The following NKAIN3 variants were observed in gnomAD, a reference collection of about 807,000 sequenced individuals.
NKAIN3 encodes the protein sodium/potassium transporting ATPase interacting 3.
In NKAIN3, 25 loss-of-function variants were observed where a neutral mutation model predicts 30.2. The observed-to-expected ratio is 0.83, with a 90% CI of 0.60 to 1.16. NKAIN3 has a LOEUF of 1.16. Among genes scored for constraint, NKAIN3 ranks in the 50% most tolerant of loss-of-function variants. The pLI is 0.00. For synonymous variants in NKAIN3, 91 were observed against 89.6 expected, an observed-to-expected ratio of 1.02 and a Z score of -0.09; for missense variants, 225 against 254.1, an observed-to-expected ratio of 0.89 and a Z score of 0.78.
At chr8:62,744,886 A>G (rs965741953) in intron 3 of NKAIN3, among the ~76,000 whole-genome samples, 3 of 152,228 alleles carry the variant, frequency 2.0e-5, no homozygotes, top group Admixed American at 2.0e-4. Flanking sequence ...AAAACCAACA[A>G]TCAAAAGGAA....
In NKAIN3 at chr8:62,580,513, A is replaced by G. The variant is rs376995623; in HGVS notation, c.192+837A>G. On this transcript the variant is annotated intron_variant, in intron 2 of 6. Coordinates refer to ENST00000623646, the MANE Select transcript of NKAIN3 (RefSeq NM_001304533.3). ...TAGAATTACTAGATATTTTCTTGGG[A>G]TACACTGATATTGCCTCACTAGAAG... is the stretch of plus-strand genomic sequence containing the variant. Among the ~76,000 whole-genome samples the G allele has an allele frequency of 3.9e-5, 6 of 152,320 alleles. No homozygotes were observed. In the East Asian group the frequency reaches 9.7e-4, roughly 25 times the overall value.
At chr8:62,320,765 AT>A (rs1193819985) in intron 1 of NKAIN3, among the ~76,000 whole-genome samples, 3 of 151,882 alleles carry the variant, frequency 2.0e-5, no homozygotes, top group Non-Finnish European at 1.5e-5. Flanking sequence ...TGCCCTTAAC[AT>A]TTTTTCCTTC....
intron 1 of NKAIN3, among the ~76,000 whole-genome samples, chr8:62,517,634 A>C (rs1312364043): frequency 6.6e-6 from 1 of 152,108 alleles, no homozygotes; most frequent in Non-Finnish European, 1.5e-5. Flanking sequence ...GGGATGTGGG[A>C]GGGCACCAGT....
At chr8:62,455,299 A>C (rs1419259413) in intron 1 of NKAIN3, among the ~76,000 whole-genome samples, 1 of 152,222 alleles carries the variant, frequency 6.6e-6, no homozygotes, top group Non-Finnish European at 1.5e-5. Flanking sequence ...TGGATAAAGA[A>C]AGTGCGGTTC....
intron 1 of NKAIN3, among the ~76,000 whole-genome samples, chr8:62,442,961 A>C (rs991911970): frequency 6.6e-6 from 1 of 151,852 alleles, no homozygotes; most frequent in Non-Finnish European, 1.5e-5. Context: ...TATGATATTG[A>C]TGTTTTGAAG....
intron 4 of NKAIN3, among the ~76,000 whole-genome samples, chr8:62,837,026 A>G (rs1819386361): frequency 6.6e-6 from 1 of 152,182 alleles, no homozygotes; most frequent in Non-Finnish European, 1.5e-5. Context: ...GACTAGACTC[A>G]GTGTCCTGCC....
intron 5 of NKAIN3, among the ~76,000 whole-genome samples, chr8:62,993,149 C>T (rs1804001935): frequency 6.6e-6 from 1 of 152,100 alleles, no homozygotes; most frequent in South Asian, 2.1e-4. Flanking sequence ...GTCCACATTA[C>T]CTCTTTCTGC....
intron 1 of NKAIN3, among the ~76,000 whole-genome samples, chr8:62,342,136 T>G (rs544082060): frequency 6.6e-6 from 1 of 150,946 alleles, no homozygotes; most frequent in Non-Finnish European, 1.5e-5. Context: ...ATGTTTCCAA[T>G]ATTTGTGCAA....
chr8:62,942,140 T>A (rs1822974765), intron 5 of NKAIN3, among the ~76,000 whole-genome samples: 1 of 149,898 alleles, frequency 6.7e-6, no homozygotes, highest in Non-Finnish European at 1.5e-5. Flanking sequence ...GTGAATCAAA[T>A]AAGAACTCAA....
chr8:62,500,991 T>C (rs1807433265), intron 1 of NKAIN3, among the ~76,000 whole-genome samples: 1 of 152,134 alleles, frequency 6.6e-6, no homozygotes, highest in South Asian at 2.1e-4. Context: ...AAGAAAAAAA[T>C]TGAGAAAATA....
chr8:62,686,885 T>A (rs997344248), intron 3 of NKAIN3, among the ~76,000 whole-genome samples: 4 of 152,202 alleles, frequency 2.6e-5, no homozygotes, highest in African/African-American at 9.6e-5. Context: ...AACTGCAAGA[T>A]CCCTTAGAGA....
At chr8:62,722,372 C>T (rs1815120056) in intron 3 of NKAIN3, among the ~76,000 whole-genome samples, 1 of 152,136 alleles carries the variant, frequency 6.6e-6, no homozygotes, top group Non-Finnish European at 1.5e-5. Flanking sequence ...CGAAAGATAC[C>T]TCCATGATGC....
intron 1 of NKAIN3, among the ~76,000 whole-genome samples, chr8:62,475,738 A>T (rs1382275494): frequency 6.6e-6 from 1 of 152,176 alleles, no homozygotes; most frequent in Non-Finnish European, 1.5e-5. Flanking sequence ...CATGTTTATG[A>T]TGGGCTCCCA....
chr8:62,954,040 A>T, intron 6 of NKAIN3, 68 bp downstream of exon 6: 1 of 407,874 alleles, frequency 2.5e-6, no homozygotes, highest in Non-Finnish European at 3.3e-6. Context: ...ACCAAAAGTG[A>T]AATAATTTGA....
chr8:62,275,925 C>A (rs1435650195), intron 1 of NKAIN3, among the ~76,000 whole-genome samples: 1 of 152,026 alleles, frequency 6.6e-6, no homozygotes, highest in Non-Finnish European at 1.5e-5. Flanking sequence ...GAGGCTGTAA[C>A]AGCTATGTAG....
chr8:62,659,150 G>A (rs1227831839), intron 3 of NKAIN3, among the ~76,000 whole-genome samples: 2 of 152,198 alleles, frequency 1.3e-5, no homozygotes, highest in African/African-American at 2.4e-5. Context: ...TAGTACCACA[G>A]TCGAGAGGTA....
chr8:62,322,025 A>G (rs984137130), intron 1 of NKAIN3, among the ~76,000 whole-genome samples: 4 of 152,104 alleles, frequency 2.6e-5, no homozygotes, highest in African/African-American at 9.7e-5. Flanking sequence ...AGCCTCGGCA[A>G]TGGCCGACAC....
intron 1 of NKAIN3, among the ~76,000 whole-genome samples, chr8:62,556,096 G>T (rs1442984242): frequency 1.3e-5 from 2 of 151,892 alleles, no homozygotes; most frequent in African/African-American, 4.8e-5. Context: ...GAGACAAGAA[G>T]AAATGATGAA....
chr8:62,280,778 A>C (rs147411081), intron 1 of NKAIN3, among the ~76,000 whole-genome samples: 3,380 of 152,250 alleles, frequency 0.022, 60 homozygotes, highest in Middle Eastern at 0.044. Context: ...TCAGTTTGCC[A>C]GTATTTTGTT....
Sources: gnomAD v4.1 joint callset for allele counts (sites outside exome capture counted in the v4.1 genomes callset) on GRCh38, gnomAD v4.1.1 for gene constraint, MANE v1.5 for transcripts, NCBI Gene and HGNC (gene_info 2026-07-23, HGNC 2026-07-21) for gene names.